TIMM23: variants seen among roughly 807,000 people sequenced by gnomAD.
TIMM23 encodes the protein mitochondrial import inner membrane translocase subunit Tim23.
In TIMM23, 19 loss-of-function variants were observed where a neutral mutation model predicts 30.7. That is an observed-to-expected ratio of 0.62 (90% CI 0.43 to 0.91). The LOEUF (loss-of-function observed/expected upper bound fraction) is 0.91, where lower values mean the gene tolerates loss of function less well. TIMM23 is among the 40% of genes least tolerant of loss of function. The probability of loss-of-function intolerance (pLI) is 0.00; values close to 1 mark genes in which losing one functional copy is unlikely to be tolerated. For synonymous variants in TIMM23, 78 were observed against 98.5 expected, an observed-to-expected ratio of 0.79 and a Z score of 1.23; for missense variants, 202 against 269.2, an observed-to-expected ratio of 0.75 and a Z score of 1.75.
chr10:46,002,810 ATTTTTTTTTTTT>A (rs386371331), intron 6 of TIMM23, among the ~76,000 whole-genome samples: 8 of 95,068 alleles, frequency 8.4e-5, no homozygotes, highest in African/African-American at 3.4e-4. Flanking sequence ...ATTTCATAGT[ATTTTTTTTTTTT>A]TTTTTTTTTT....
intron 5 of TIMM23, among the ~76,000 whole-genome samples, chr10:45,986,264 A>G (rs1210601184): frequency 1.3e-5 from 2 of 152,152 alleles, no homozygotes; most frequent in Non-Finnish European, 2.9e-5. Context: ...CTGCTTTCAT[A>G]TGTTGCTGAT....
At chr10:45,986,163 C>G (rs1837982117) in intron 5 of TIMM23, among the ~76,000 whole-genome samples, 1 of 152,158 alleles carries the variant, frequency 6.6e-6, no homozygotes, top group Admixed American at 6.5e-5. Flanking sequence ...TTTGTTATGG[C>G]AGGGTAAGGT....
chr10:45,996,726 C>A (rs1302993233), intron 6 of TIMM23, among the ~76,000 whole-genome samples: 7 of 152,010 alleles, frequency 4.6e-5, no homozygotes, highest in Non-Finnish European at 1.0e-4. Flanking sequence ...TAGCTCATGT[C>A]TATAATCCCA....
At chr10:45,979,167 G>T (rs2132248338) in intron 2 of TIMM23, among the ~76,000 whole-genome samples, 1 of 152,252 alleles carries the variant, frequency 6.6e-6, no homozygotes, top group South Asian at 2.1e-4. Context: ...TGATTTTTTT[G>T]GGGGGTGATG....
At chr10:45,981,120 G>A (rs1392901347) in intron 2 of TIMM23, among the ~76,000 whole-genome samples, 1 of 149,264 alleles carries the variant, frequency 6.7e-6, no homozygotes, top group Non-Finnish European at 1.5e-5. Flanking sequence ...TTGTATTTTA[G>A]TAGAGACGGG....
chr10:45,974,264 A>G (rs1837598178), intron 1 of TIMM23, among the ~76,000 whole-genome samples: 1 of 152,066 alleles, frequency 6.6e-6, no homozygotes, highest in Non-Finnish European at 1.5e-5. Context: ...GCCGTTAGTG[A>G]TAAGTGCTGT....
At chr10:45,997,650 A>G (rs1253018450) in intron 6 of TIMM23, among the ~76,000 whole-genome samples, 1 of 152,108 alleles carries the variant, frequency 6.6e-6, no homozygotes, top group East Asian at 1.9e-4. Flanking sequence ...CATCTCTACA[A>G]AAAATTTAGC....
intron 2 of TIMM23, among the ~76,000 whole-genome samples, chr10:45,980,864 A>T (rs1837819696): frequency 6.7e-6 from 1 of 148,278 alleles, no homozygotes; most frequent in Non-Finnish European, 1.5e-5. Context: ...CTAGCAGGAG[A>T]ATGAGTTGGT....
chr10:45,975,947 GC>G (rs2132241630), intron 2 of TIMM23, among the ~76,000 whole-genome samples: 1 of 152,156 alleles, frequency 6.6e-6, no homozygotes, highest in East Asian at 1.9e-4. Flanking sequence ...GACTACAGGC[GC>G]CCACCACCAC....
At chr10:45,993,895 G>A (rs1838247226) in intron 6 of TIMM23, among the ~76,000 whole-genome samples, 1 of 151,878 alleles carries the variant, frequency 6.6e-6, no homozygotes, top group Non-Finnish European at 1.5e-5. Flanking sequence ...GAAACACCGG[G>A]TGAAATGAAA....
chr10:45,974,199 G>A (rs868966013), intron 1 of TIMM23, among the ~76,000 whole-genome samples: 1 of 151,522 alleles, frequency 6.6e-6, no homozygotes, highest in South Asian at 2.1e-4. Context: ...GGACTCTTGC[G>A]CTCACAGAGC....
At chr10:45,989,062 G>A (rs1838080423) in intron 6 of TIMM23, among the ~76,000 whole-genome samples, 1 of 152,124 alleles carries the variant, frequency 6.6e-6, no homozygotes, top group Admixed American at 6.5e-5. Context: ...TAGTATTATA[G>A]TCACATGATT....
At chr10:46,000,744 C>A (rs1838504307) in intron 6 of TIMM23, among the ~76,000 whole-genome samples, 1 of 152,242 alleles carries the variant, frequency 6.6e-6, no homozygotes, top group Admixed American at 6.5e-5. Flanking sequence ...ACTGACTTCA[C>A]AGTCCTGTGG....
At chr10:45,999,210 G>C (rs1012124632) in intron 6 of TIMM23, among the ~76,000 whole-genome samples, 2 of 150,520 alleles carry the variant, frequency 1.3e-5, no homozygotes, top group African/African-American at 4.9e-5. Flanking sequence ...GCACGATCTT[G>C]GCTCACTGCA....
chr10:45,996,289 G>C (rs1428910727), intron 6 of TIMM23, among the ~76,000 whole-genome samples: 3 of 144,320 alleles, frequency 2.1e-5, no homozygotes. Context: ...GTGAACCTGG[G>C]AGGCAAGGCT....
intron 2 of TIMM23, among the ~76,000 whole-genome samples, chr10:45,981,654 G>T (rs1386903448): frequency 6.6e-6 from 1 of 152,120 alleles, no homozygotes; most frequent in East Asian, 1.9e-4. Context: ...CAAGGATGTA[G>T]GAGAATGTTA....
intron 6 of TIMM23, among the ~76,000 whole-genome samples, chr10:45,995,182 T>A (rs1208978850): frequency 5.3e-5 from 8 of 151,954 alleles, no homozygotes; most frequent in Admixed American, 2.6e-4. Flanking sequence ...AGCTTTCTTT[T>A]CATAATTTAT....
rs782467295 is a variant in TIMM23, at chr10:46,003,154, ACTATGCAATATACAG to A, written c.515-44_515-30del. 13 of 1,411,198 alleles carry A rather than the reference ACTATGCAATATACAG, an allele frequency of 9.2e-6. No homozygotes were observed. In the African/African-American group the frequency reaches 1.7e-4, roughly 18 times the overall value. 87.4% of individuals were successfully genotyped at this position (1,411,198 alleles called of 1,614,324 possible). ...TTATTTAACCCTATCGTGCTAGGGC[ACTATGCAATATACAG>A]CTATTTCATTTTCCTTTTGTCTCTG... is the stretch of plus-strand genomic sequence containing the variant. On this transcript the variant is annotated intron_variant, in intron 6 of 6. Transcript: ENST00000580018.
rs1432099968 is a variant in TIMM23 at position 45,974,163 on chromosome 10, G to GTT, written c.107-1284_107-1283dup. ...CAGGACTATAGTGGTTTTTGTGGGGGTTTTTTTTGTTTTTTTTTGAAAAGA... is the reference window on the plus strand; with the variant it reads ...CAGGACTATAGTGGTTTTTGTGGGGGTTTTTTTTTTGTTTTTTTTTGAAAAGA... On this transcript the variant is annotated intron_variant, in intron 1 of 6. Transcript: ENST00000580018. Among the ~76,000 whole-genome samples, 242 of 150,620 alleles carry GTT rather than the reference G, an allele frequency of 1.6e-3. 2 individuals carry two copies. Among genetic ancestry groups the GTT allele is most frequent in the Non-Finnish European group, 4.9e-4 (33 of 67,796 alleles).
Sources: gnomAD v4.1 joint callset for allele counts (sites outside exome capture counted in the v4.1 genomes callset) on GRCh38, gnomAD v4.1.1 for gene constraint, MANE v1.5 for transcripts, NCBI Gene and HGNC (gene_info 2026-07-23, HGNC 2026-07-21) for gene names.